Variants in RPS6KC1 observed in about 807,000 individuals in gnomAD.
RPS6KC1 encodes inactive ribosomal protein S6 kinase delta-1.
In RPS6KC1, 54 loss-of-function variants were observed where a neutral mutation model predicts 103.8. The observed-to-expected ratio is 0.52, with a 90% confidence interval of 0.42 to 0.65. The LOEUF (loss-of-function observed/expected upper bound fraction) is 0.65, where lower values mean the gene tolerates loss of function less well. RPS6KC1 is among the 30% of genes least tolerant of loss of function. The pLI is 0.00. For missense variants in RPS6KC1, 1,151 were observed against 1,253.8 expected, an observed-to-expected ratio of 0.92 and a Z score of 1.24; for synonymous variants, 439 against 438.7, an observed-to-expected ratio of 1.00 and a Z score of -0.01.
At chr1:213,769,221 G>A in the RPS6KC1 span, among the ~76,000 whole-genome samples, 5 of 152,132 alleles carry the variant, frequency 3.3e-5, no homozygotes, top group Non-Finnish European at 7.4e-5. Flanking sequence ...TGGAGAAATG[G>A]GGGACAGGAA....
chr1:213,783,788 A>G, the RPS6KC1 span, among the ~76,000 whole-genome samples: 1 of 140,566 alleles, frequency 7.1e-6, no homozygotes, highest in African/African-American at 2.6e-5. Flanking sequence ...GGATGACAGG[A>G]CCGTCAAATG....
At chr1:213,562,258 G>A in the RPS6KC1 span, among the ~76,000 whole-genome samples, 5 of 149,394 alleles carry the variant, frequency 3.3e-5, no homozygotes, top group East Asian at 9.9e-4. Flanking sequence ...CCAAGTTTTG[G>A]TATTGAAATT....
chr1:213,424,045 G>C, the RPS6KC1 span, among the ~76,000 whole-genome samples: 1 of 152,192 alleles, frequency 6.6e-6, no homozygotes, highest in African/African-American at 2.4e-5. Context: ...GCCTCCCCTT[G>C]GTAAAGATGG....
chr1:213,447,564 C>T, the RPS6KC1 span, among the ~76,000 whole-genome samples: 1 of 152,294 alleles, frequency 6.6e-6, no homozygotes, highest in East Asian at 1.9e-4. Context: ...TTTGGACTGG[C>T]CACATTTCAA....
chr1:213,100,733 C>T (rs112336136), intron 3 of RPS6KC1, among the ~76,000 whole-genome samples: 5,548 of 151,700 alleles, frequency 0.037, 282 homozygotes, highest in African/African-American at 0.12. Flanking sequence ...ATGGCCTCCA[C>T]CTGCATCCAT....
At chr1:213,463,552 A>G in the RPS6KC1 span, among the ~76,000 whole-genome samples, 1 of 152,256 alleles carries the variant, frequency 6.6e-6, no homozygotes, top group African/African-American at 2.4e-5. Flanking sequence ...ACCAGGATCT[A>G]TCTACTTTAG....
intron 6 of RPS6KC1, among the ~76,000 whole-genome samples, chr1:213,146,952 A>G (rs1377380813): frequency 6.6e-5 from 10 of 152,132 alleles, no homozygotes; most frequent in Non-Finnish European, 1.3e-4. Flanking sequence ...ATGATCAGTG[A>G]TGTTGAGCAC....
the RPS6KC1 span, among the ~76,000 whole-genome samples, chr1:213,371,232 C>T: frequency 1.3e-5 from 2 of 152,140 alleles, no homozygotes; most frequent in African/African-American, 4.8e-5. Context: ...TGGCTTATTT[C>T]ACTTACTATG....
the RPS6KC1 span, among the ~76,000 whole-genome samples, chr1:213,466,798 A>G: frequency 6.6e-6 from 1 of 152,158 alleles, no homozygotes; most frequent in African/African-American, 2.4e-5. Context: ...ATGCAAGCCC[A>G]TAAGAATGTA....
chr1:213,110,105 T>G (rs1572584127), intron 4 of RPS6KC1, among the ~76,000 whole-genome samples: 1 of 152,196 alleles, frequency 6.6e-6, no homozygotes. Flanking sequence ...ATTTTATGAG[T>G]CATAGTCCTT....
At chr1:213,166,790 C>T (rs1212955807) in intron 6 of RPS6KC1, among the ~76,000 whole-genome samples, 1 of 152,070 alleles carries the variant, frequency 6.6e-6, no homozygotes, top group African/African-American at 2.4e-5. Context: ...TTTGCATGTG[C>T]GGAAATCCAA....
chr1:213,707,969 G>C, the RPS6KC1 span, among the ~76,000 whole-genome samples: 1 of 152,142 alleles, frequency 6.6e-6, no homozygotes, highest in Non-Finnish European at 1.5e-5. Flanking sequence ...TTGAAGTCAG[G>C]TAGCATGATG....
the RPS6KC1 span, among the ~76,000 whole-genome samples, chr1:213,402,994 G>T: frequency 1.3e-5 from 2 of 151,042 alleles, no homozygotes; most frequent in Non-Finnish European, 2.9e-5. Flanking sequence ...CAGGCATGGT[G>T]GCAGGTGCCT....
Position 213,127,480 on chromosome 1 carries a change from G to A in RPS6KC1, c.473-2047G>A, listed in dbSNP as rs182048840. Among the ~76,000 whole-genome samples, 3 of 152,314 alleles carry A rather than the reference G, an allele frequency of 2.0e-5. No individual in the cohort carries two copies. The East Asian group carries it at 5.8e-4, about 29-fold the overall frequency. On this transcript the variant is annotated intron_variant, in intron 5 of 14. Transcript: ENST00000366960. ...CTCTGCATACTGAACTACCATGGTC[G>A]TCTTGAGGAAAAGCACTTATGCAGT...
chr1:213,508,797 G>A, the RPS6KC1 span, among the ~76,000 whole-genome samples: 1 of 152,188 alleles, frequency 6.6e-6, no homozygotes, highest in African/African-American at 2.4e-5. Flanking sequence ...TCAATAAATT[G>A]TTGTTGATTG....
the RPS6KC1 span, among the ~76,000 whole-genome samples, chr1:213,750,933 G>A: frequency 6.6e-6 from 1 of 152,164 alleles, no homozygotes; most frequent in Non-Finnish European, 1.5e-5. Flanking sequence ...GTCAGAAGAA[G>A]AATTAAGAAT....
the RPS6KC1 span, among the ~76,000 whole-genome samples, chr1:213,297,752 A>C: frequency 3.3e-5 from 5 of 152,172 alleles, no homozygotes; most frequent in Non-Finnish European, 7.3e-5. Flanking sequence ...CTAGGACTAC[A>C]GGCATGTACC....
the RPS6KC1 span, among the ~76,000 whole-genome samples, chr1:213,725,570 A>G: frequency 6.6e-6 from 1 of 152,170 alleles, no homozygotes; most frequent in African/African-American, 2.4e-5. Context: ...TCAACCACAG[A>G]AATCCAGAGC....
the RPS6KC1 span, among the ~76,000 whole-genome samples, chr1:213,394,895 G>A: frequency 6.6e-6 from 1 of 152,250 alleles, no homozygotes; most frequent in Non-Finnish European, 1.5e-5. Flanking sequence ...GAAGGAAACA[G>A]TGCAGCTGCC....
Sources: allele counts gnomAD v4.1 joint callset (sites outside exome capture counted in the v4.1 genomes callset), GRCh38; gene constraint gnomAD v4.1.1; transcripts MANE v1.5; gene names NCBI Gene and HGNC (gene_info 2026-07-23, HGNC 2026-07-21).